KCNIP4: variants seen among roughly 807,000 people sequenced by gnomAD.
KCNIP4 encodes the protein Kv channel-interacting protein 4.
KCNIP4 carries 12 observed loss-of-function variants against 34.0 expected under a neutral mutation model. The ratio of observed to expected loss-of-function variants is 0.35; its 90% CI spans 0.23 to 0.57. The LOEUF (loss-of-function observed/expected upper bound fraction) is 0.57, where lower values mean the gene tolerates loss of function less well. KCNIP4 is among the 20% of genes least tolerant of loss of function. The pLI, the probability that KCNIP4 is intolerant of heterozygous loss-of-function variation, is 0.83. For missense variants in KCNIP4, 238 were observed against 311.7 expected, an observed-to-expected ratio of 0.76 and a Z score of 1.78; for synonymous variants, 124 against 102.2, an observed-to-expected ratio of 1.21 and a Z score of -1.29.
chr4:21,071,554 T>C (rs976189896), intron 1 of KCNIP4, among the ~76,000 whole-genome samples: 5 of 152,204 alleles, frequency 3.3e-5, no homozygotes, highest in Admixed American at 6.6e-5. Flanking sequence ...TTTTAGCTAT[T>C]GTAGTATACT....
intron 1 of KCNIP4, among the ~76,000 whole-genome samples, chr4:21,538,336 C>G (rs1343799903): frequency 6.6e-6 from 1 of 152,108 alleles, no homozygotes; most frequent in African/African-American, 2.4e-5. Flanking sequence ...AACTAACACA[C>G]CATCCATAAA....
At chr4:20,832,736 A>T (rs2149460226) in intron 3 of KCNIP4, among the ~76,000 whole-genome samples, 1 of 152,166 alleles carries the variant, frequency 6.6e-6, no homozygotes, top group African/African-American at 2.4e-5. Flanking sequence ...TAAAAAAAAA[A>T]AAAAAGGTCC....
chr4:21,656,698 G>A (rs994306824), intron 1 of KCNIP4: 6 of 152,324 alleles, frequency 3.9e-5, no homozygotes, highest in Non-Finnish European at 7.3e-5. Flanking sequence ...CACACATCTG[G>A]AGCTCTCATC....
At chr4:21,098,051 G>T (rs1488393530) in intron 1 of KCNIP4, among the ~76,000 whole-genome samples, 1 of 152,140 alleles carries the variant, frequency 6.6e-6, no homozygotes, top group African/African-American at 2.4e-5. Context: ...TTAGGGCTCT[G>T]GGTAAAAGTT....
chr4:20,767,113 G>A (rs1755482733), intron 3 of KCNIP4: 1 of 152,178 alleles, frequency 6.6e-6, no homozygotes, highest in Non-Finnish European at 1.5e-5. Flanking sequence ...ATCACGCAAT[G>A]AGTCACTGTA....
At chr4:21,169,482 T>A (rs1481090879) in intron 1 of KCNIP4, among the ~76,000 whole-genome samples, 1 of 152,128 alleles carries the variant, frequency 6.6e-6, no homozygotes, top group Non-Finnish European at 1.5e-5. Flanking sequence ...GATGGTTACT[T>A]AAGCACTTAA....
At chr4:21,797,471 GTTTT>G (rs71193408) in intron 1 of KCNIP4, among the ~76,000 whole-genome samples, 2 of 149,562 alleles carry the variant, frequency 1.3e-5, no homozygotes, top group African/African-American at 5.0e-5. Flanking sequence ...AAAAACATCA[GTTTT>G]TTTTTTTATT....
chr4:20,898,821 G>A (rs1726848812), intron 1 of KCNIP4, among the ~76,000 whole-genome samples: 1 of 151,950 alleles, frequency 6.6e-6, no homozygotes, highest in East Asian at 1.9e-4. Context: ...CTTTCTCAAT[G>A]CGACTACCAA....
At chr4:20,918,025 C>T (rs530563583) in intron 1 of KCNIP4, among the ~76,000 whole-genome samples, 3 of 152,028 alleles carry the variant, frequency 2.0e-5, no homozygotes, top group African/African-American at 4.8e-5. Flanking sequence ...AAGTTTTGAG[C>T]GTTATTAAAG....
intron 1 of KCNIP4, among the ~76,000 whole-genome samples, chr4:21,853,815 G>C (rs1164495410): frequency 6.6e-6 from 1 of 152,148 alleles, no homozygotes; most frequent in African/African-American, 2.4e-5. Context: ...AACTAGCTGG[G>C]CTGCCACAGG....
chr4:21,500,736 T>C (rs1338277609), intron 1 of KCNIP4, among the ~76,000 whole-genome samples: 1 of 152,200 alleles, frequency 6.6e-6, no homozygotes, highest in African/African-American at 2.4e-5. Flanking sequence ...ACTCTTCATA[T>C]GAGCTGATTA....
chr4:21,345,091 G>A (rs570248428), intron 1 of KCNIP4, among the ~76,000 whole-genome samples: 4 of 152,268 alleles, frequency 2.6e-5, no homozygotes, highest in Non-Finnish European at 2.9e-5. Flanking sequence ...ATGCAGAAGT[G>A]ATGGAATGTC....
chr4:21,361,035 TCA>T (rs1719168084), intron 1 of KCNIP4, among the ~76,000 whole-genome samples: 2 of 121,680 alleles, frequency 1.6e-5, no homozygotes, highest in South Asian at 5.8e-4. Context: ...ATCATTATCG[TCA>T]TCATCATCAT....
At chr4:21,285,017 C>T (rs1350147829) in intron 1 of KCNIP4, among the ~76,000 whole-genome samples, 2 of 152,174 alleles carry the variant, frequency 1.3e-5, no homozygotes, top group South Asian at 2.1e-4. Flanking sequence ...AATGCCCCAC[C>T]TTTTTCAGGC....
chr4:20,794,518 A>G (rs141575309), intron 3 of KCNIP4, among the ~76,000 whole-genome samples: 110 of 152,288 alleles, frequency 7.2e-4, no homozygotes, highest in African/African-American at 2.6e-3. Flanking sequence ...ACTTATATAA[A>G]AGTAAATACA....
chr4:20,732,646 C>T, intron 7 of KCNIP4, 35 bp downstream of exon 7: 1 of 1,388,562 alleles, frequency 7.2e-7, no homozygotes. Context: ...TTTCTCCTAA[C>T]TTCATGCCCT....
chr4:21,279,457 A>G (rs1762640430), intron 1 of KCNIP4, among the ~76,000 whole-genome samples: 1 of 151,588 alleles, frequency 6.6e-6, no homozygotes, highest in Non-Finnish European at 1.5e-5. Context: ...GTATTGGCCT[A>G]TTGTTTCACC....
chr4:21,449,766 G>A (rs1728360967), intron 1 of KCNIP4, among the ~76,000 whole-genome samples: 1 of 151,856 alleles, frequency 6.6e-6, no homozygotes, highest in Admixed American at 6.6e-5. Flanking sequence ...CCCTGGTGCT[G>A]TGAATAGTGG....
chr4:21,196,431 T>C (rs561134927), intron 1 of KCNIP4, among the ~76,000 whole-genome samples: 1 of 152,346 alleles, frequency 6.6e-6, no homozygotes, highest in African/African-American at 2.4e-5. Flanking sequence ...TAACACAAAA[T>C]GATACCACCC....
Sources: gnomAD v4.1 joint callset for allele counts (sites outside exome capture counted in the v4.1 genomes callset) on GRCh38, gnomAD v4.1.1 for gene constraint, MANE v1.5 for transcripts, NCBI Gene and HGNC (gene_info 2026-07-23, HGNC 2026-07-21) for gene names.